The following DLG1 variants were observed in gnomAD, a reference collection of about 807,000 sequenced individuals.
DLG1 encodes disks large homolog 1.
DLG1 carries 42 observed loss-of-function variants against 123.4 expected under a neutral mutation model. That is an observed-to-expected ratio of 0.34 (90% CI 0.27 to 0.44). The LOEUF (loss-of-function observed/expected upper bound fraction) is 0.44. Among genes scored for constraint, DLG1 ranks in the 20% least tolerant of loss-of-function variants. The probability of loss-of-function intolerance (pLI) is 1.00; values close to 1 mark genes in which losing one functional copy is unlikely to be tolerated. For synonymous variants in DLG1, 317 were observed against 356.2 expected, an observed-to-expected ratio of 0.89 and a Z score of 1.24; for missense variants, 942 against 1,082.6, an observed-to-expected ratio of 0.87 and a Z score of 1.82.
At chr3:197,146,292 G>A (rs1438660024) in intron 6 of DLG1, among the ~76,000 whole-genome samples, 1 of 152,080 alleles carries the variant, frequency 6.6e-6, no homozygotes, top group East Asian at 1.9e-4. Flanking sequence ...CACAGAACTA[G>A]AGAAAACATT....
intron 4 of DLG1, among the ~76,000 whole-genome samples, chr3:197,259,059 T>C (rs1758172894): frequency 6.6e-6 from 1 of 152,052 alleles, no homozygotes; most frequent in African/African-American, 2.4e-5. Flanking sequence ...AGGAGATAGA[T>C]CATTTCAAAT....
chr3:197,164,227 TA>T (rs572647025), intron 5 of DLG1, among the ~76,000 whole-genome samples: 253 of 142,462 alleles, frequency 1.8e-3, no homozygotes, highest in Admixed American at 2.2e-3. Flanking sequence ...CCATCTCTAC[TA>T]AAAAAAAAAA....
chr3:197,085,086 C>G (rs1277510632), intron 16 of DLG1, among the ~76,000 whole-genome samples: 1 of 151,256 alleles, frequency 6.6e-6, no homozygotes, highest in Non-Finnish European at 1.5e-5. Flanking sequence ...CCGTGCCCAG[C>G]CTAATTGTAT....
chr3:197,063,688 T>C (rs1737418457), intron 22 of DLG1, among the ~76,000 whole-genome samples: 1 of 152,210 alleles, frequency 6.6e-6, no homozygotes, highest in South Asian at 2.1e-4. Flanking sequence ...AATACCCTTT[T>C]GCCCATGTAT....
At chr3:197,254,821 G>C (rs1171649940) in intron 4 of DLG1, among the ~76,000 whole-genome samples, 1 of 152,144 alleles carries the variant, frequency 6.6e-6, no homozygotes, top group African/African-American at 2.4e-5. Flanking sequence ...AGAGGTTGGT[G>C]GATCACCTCC....
chr3:197,244,567 G>GA (rs1176289278), intron 4 of DLG1, among the ~76,000 whole-genome samples: 1 of 150,224 alleles, frequency 6.7e-6, no homozygotes, highest in Non-Finnish European at 1.5e-5. Context: ...AGAGGGGAAA[G>GA]AAAAAAAGGC....
intron 4 of DLG1, among the ~76,000 whole-genome samples, chr3:197,196,374 G>C (rs1489242750): frequency 6.6e-6 from 1 of 151,994 alleles, no homozygotes; most frequent in Non-Finnish European, 1.5e-5. Context: ...ACTGCAATTA[G>C]TTTCAAAACC....
intron 5 of DLG1, among the ~76,000 whole-genome samples, chr3:197,171,520 A>T (rs1023456481): frequency 6.6e-6 from 1 of 152,190 alleles, no homozygotes; most frequent in Non-Finnish European, 1.5e-5. Context: ...AAAACAAAAC[A>T]AGGTAAATAG....
intron 4 of DLG1, chr3:197,260,469 A>T: frequency 4.9e-6 from 1 of 203,382 alleles, no homozygotes; most frequent in South Asian, 6.7e-5. Flanking sequence ...TACTATCTAA[A>T]ATACAAGAAA....
At chr3:197,102,340 A>G (rs925667425) in intron 14 of DLG1, among the ~76,000 whole-genome samples, 8 of 152,282 alleles carry the variant, frequency 5.3e-5, no homozygotes, top group Middle Eastern at 3.4e-3. Flanking sequence ...CTTTGTCTCT[A>G]TCTGTCTGTC....
At chr3:197,241,411 T>C (rs748189530) in intron 4 of DLG1, among the ~76,000 whole-genome samples, 6 of 152,078 alleles carry the variant, frequency 3.9e-5, no homozygotes, top group South Asian at 2.1e-4. Flanking sequence ...TAAAAGGAAT[T>C]ACTCAATCTG....
intron 4 of DLG1, among the ~76,000 whole-genome samples, chr3:197,268,571 G>A (rs1283009478): frequency 2.6e-5 from 4 of 151,704 alleles, no homozygotes; most frequent in African/African-American, 9.7e-5. Flanking sequence ...AGGCATGAAG[G>A]CACCAACCAC....
chr3:197,154,823 C>T (rs1333132526), intron 5 of DLG1, among the ~76,000 whole-genome samples: 8 of 151,974 alleles, frequency 5.3e-5, no homozygotes, highest in African/African-American at 1.9e-4. Flanking sequence ...GATTCAAAAG[C>T]ATATCTGAGC....
intron 5 of DLG1, among the ~76,000 whole-genome samples, chr3:197,156,117 T>C (rs1158723441): frequency 6.6e-6 from 1 of 152,196 alleles, no homozygotes; most frequent in African/African-American, 2.4e-5. Context: ...CTAGTTTCTG[T>C]TTTTGGGCAT....
chr3:197,296,212 C>T, intron 3 of DLG1, 134 bp downstream of exon 3: 2 of 848,046 alleles, frequency 2.4e-6, no homozygotes, highest in Admixed American at 2.5e-5. Flanking sequence ...GAAAAACACA[C>T]AACTCACTGA....
At chr3:197,217,266 G>A (rs1734590281) in intron 4 of DLG1, among the ~76,000 whole-genome samples, 1 of 152,144 alleles carries the variant, frequency 6.6e-6, no homozygotes, top group African/African-American at 2.4e-5. Context: ...GGAAACAGAT[G>A]ATACAAAAAT....
At chr3:197,074,695 A>G (rs1004480874) in intron 18 of DLG1, among the ~76,000 whole-genome samples, 2 of 152,108 alleles carry the variant, frequency 1.3e-5, no homozygotes, top group Non-Finnish European at 2.9e-5. Flanking sequence ...ACTAAATCCT[A>G]TAAAGGCACA....
chr3:197,137,652 G>A (rs1785690554), intron 9 of DLG1, among the ~76,000 whole-genome samples: 1 of 152,158 alleles, frequency 6.6e-6, no homozygotes, highest in African/African-American at 2.4e-5. Context: ...GCAGTAAAAT[G>A]TATAAAAGCA....
intron 6 of DLG1, among the ~76,000 whole-genome samples, chr3:197,144,694 C>G (rs1439803252): frequency 6.6e-6 from 1 of 152,118 alleles, no homozygotes; most frequent in Admixed American, 6.6e-5. Context: ...TTTTGAAGCC[C>G]ATCTCTACTA....
Sources: allele counts gnomAD v4.1 joint callset (sites outside exome capture counted in the v4.1 genomes callset), GRCh38; gene constraint gnomAD v4.1.1; transcripts MANE v1.5; gene names NCBI Gene and HGNC (gene_info 2026-07-23, HGNC 2026-07-21).